TCF7L2: variants seen among roughly 807,000 people sequenced by gnomAD.
The protein encoded by TCF7L2 is transcription factor 7-like 2.
In TCF7L2, 23 loss-of-function variants were observed where a neutral mutation model predicts 77.9. That is an observed-to-expected ratio of 0.30 (90% CI 0.21 to 0.42). The LOEUF (loss-of-function observed/expected upper bound fraction) is 0.42, where lower values mean the gene tolerates loss of function less well. Ranked by LOEUF, TCF7L2 falls within the 10% of genes least tolerant of loss-of-function variation. The pLI, the probability that TCF7L2 is intolerant of heterozygous loss-of-function variation, is 1.00. For missense variants in TCF7L2, 654 were observed against 793.1 expected (o/e 0.82, Z 2.11); for synonymous variants, 413 against 340.2 (o/e 1.21, Z -2.36).
At chr10:112,966,184 TTATATATATATATATA>T (rs141060651) in intron 4 of TCF7L2, among the ~76,000 whole-genome samples, 1 of 114,280 alleles carries the variant, frequency 8.8e-6, no homozygotes, top group African/African-American at 4.8e-5. Flanking sequence ...TAAAATATAT[TTATATATATATATATA>T]TATATATATA....
chr10:113,022,213 C>A (rs568330262), intron 4 of TCF7L2, among the ~76,000 whole-genome samples: 1 of 152,268 alleles, frequency 6.6e-6, no homozygotes, highest in South Asian at 2.1e-4. Context: ...CAGGTTTCAC[C>A]CAAATGCATT....
At chr10:113,089,091 G>A (rs1564878970) in intron 5 of TCF7L2, among the ~76,000 whole-genome samples, 3 of 152,202 alleles carry the variant, frequency 2.0e-5, no homozygotes, top group Non-Finnish European at 1.5e-5. Context: ...TAGCTAACTG[G>A]TTCTTGAGAG....
At chr10:113,106,987 A>G (rs2062408290) in intron 5 of TCF7L2, among the ~76,000 whole-genome samples, 1 of 152,216 alleles carries the variant, frequency 6.6e-6, no homozygotes, top group African/African-American at 2.4e-5. Context: ...ATCAGAATGG[A>G]TGCAAGAGTT....
intron 4 of TCF7L2, among the ~76,000 whole-genome samples, chr10:112,966,207 TATA>T (rs1340022367): frequency 2.4e-4 from 34 of 140,800 alleles, no homozygotes; most frequent in Non-Finnish European, 3.5e-4. Context: ...TATATATATA[TATA>T]TTTTCTTTTC....
intron 5 of TCF7L2, among the ~76,000 whole-genome samples, chr10:113,086,761 GAA>G (rs869063686): frequency 1.0e-5 from 1 of 96,316 alleles, no homozygotes; most frequent in African/African-American, 4.8e-5. Context: ...GACTCAAAAG[GAA>G]AAAAAAAAAA....
chr10:113,034,106 G>GT (rs1219088683), intron 4 of TCF7L2, among the ~76,000 whole-genome samples: 1 of 152,188 alleles, frequency 6.6e-6, no homozygotes, highest in Admixed American at 6.5e-5. Flanking sequence ...AATGAGGTAG[G>GT]TTTAGAAAGA....
At chr10:113,130,967 C>T (rs1428013630) in intron 5 of TCF7L2, among the ~76,000 whole-genome samples, 2 of 151,776 alleles carry the variant, frequency 1.3e-5, no homozygotes, top group South Asian at 2.1e-4. Context: ...GGTTTCATCA[C>T]GTTGGCCAGG....
intron 5 of TCF7L2, among the ~76,000 whole-genome samples, chr10:113,086,632 T>G (rs1387608615): frequency 6.6e-6 from 1 of 152,154 alleles, no homozygotes; most frequent in African/African-American, 2.4e-5. Flanking sequence ...CCTAAGTAAC[T>G]GGCAGTATTG....
chr10:113,094,090 T>TGCAC (rs1333068261), intron 5 of TCF7L2, among the ~76,000 whole-genome samples: 2 of 152,198 alleles, frequency 1.3e-5, no homozygotes, highest in East Asian at 3.9e-4. Flanking sequence ...TGTGTGCGCG[T>TGCAC]GCACGCGCAT....
At chr10:113,016,039 G>T (rs1299930870) in intron 4 of TCF7L2, among the ~76,000 whole-genome samples, 1 of 151,020 alleles carries the variant, frequency 6.6e-6, no homozygotes, top group African/African-American at 2.5e-5. Context: ...GTACTGTATT[G>T]CTAGGCTAGG....
intron 5 of TCF7L2, among the ~76,000 whole-genome samples, chr10:113,095,168 C>T (rs1162138639): frequency 6.6e-6 from 1 of 152,126 alleles, no homozygotes; most frequent in East Asian, 1.9e-4. Flanking sequence ...AGTGCAACTG[C>T]ATCTCATGTG....
chr10:113,158,143 G>A (rs2137370660), intron 12 of TCF7L2, 74 bp downstream of exon 12: 2 of 1,493,024 alleles, frequency 1.3e-6, no homozygotes, highest in Non-Finnish European at 1.8e-6. Flanking sequence ...GTTTCCATCT[G>A]GGGGAGGCAG....
At chr10:112,971,337 C>G (rs1348468334) in intron 4 of TCF7L2, among the ~76,000 whole-genome samples, 1 of 152,000 alleles carries the variant, frequency 6.6e-6, no homozygotes, top group Non-Finnish European at 1.5e-5. Flanking sequence ...CTCTGTTGTC[C>G]AGGCTGGAGT....
chr10:113,040,215 T>A (rs1261419321), intron 5 of TCF7L2, 89 bp downstream of exon 5: 11 of 1,128,740 alleles, frequency 9.7e-6, no homozygotes, highest in Non-Finnish European at 2.6e-6. Context: ...TTATTTGTCA[T>A]TTTTTTCTTT....
chr10:112,991,806 G>C (rs2042602283), intron 4 of TCF7L2, among the ~76,000 whole-genome samples: 1 of 152,098 alleles, frequency 6.6e-6, no homozygotes, highest in Non-Finnish European at 1.5e-5. Context: ...AGGGCACGTG[G>C]GGCACTCTGC....
At chr10:113,026,443 G>A (rs182348310) in intron 4 of TCF7L2, among the ~76,000 whole-genome samples, 5 of 152,158 alleles carry the variant, frequency 3.3e-5, no homozygotes, top group Admixed American at 3.3e-4. Context: ...ACAGGCATGA[G>A]CCACCATGCC....
At chr10:113,141,711 C>T (rs574282254) in intron 6 of TCF7L2, among the ~76,000 whole-genome samples, 26 of 152,278 alleles carry the variant, frequency 1.7e-4, no homozygotes, top group Admixed American at 8.5e-4. Flanking sequence ...CCTCAGCTTC[C>T]TGGGAAGATG....
At chr10:113,033,527 C>T (rs922389017) in intron 4 of TCF7L2, among the ~76,000 whole-genome samples, 2 of 152,098 alleles carry the variant, frequency 1.3e-5, no homozygotes, top group South Asian at 2.1e-4. Flanking sequence ...GGATTACTGG[C>T]GTGGGCCACC....
chr10:113,030,124 CTA>C (rs2049966451), intron 4 of TCF7L2, among the ~76,000 whole-genome samples: 1 of 152,182 alleles, frequency 6.6e-6, no homozygotes, highest in Admixed American at 6.5e-5. Context: ...CTTCCTGTCT[CTA>C]TGAATTTGCC....
Sources: gnomAD v4.1 joint callset for allele counts (sites outside exome capture counted in the v4.1 genomes callset) on GRCh38, gnomAD v4.1.1 for gene constraint, MANE v1.5 for transcripts, NCBI Gene and HGNC (gene_info 2026-07-23, HGNC 2026-07-21) for gene names.